CDH18: variants seen among roughly 807,000 people sequenced by gnomAD.
CDH18 encodes cadherin 18.
CDH18 carries 31 observed loss-of-function variants against 67.9 expected under a neutral mutation model. The observed-to-expected ratio is 0.46, with a 90% CI of 0.34 to 0.62. The LOEUF (loss-of-function observed/expected upper bound fraction) is 0.62. CDH18 is among the 20% of genes least tolerant of loss of function. The probability of loss-of-function intolerance (pLI) is 0.01; values close to 1 mark genes in which losing one functional copy is unlikely to be tolerated. For synonymous variants in CDH18, 362 were observed against 347.2 expected (o/e 1.04, Z -0.48); for missense variants, 890 against 975.5 (o/e 0.91, Z 1.17).
intron 4 of CDH18, among the ~76,000 whole-genome samples, chr5:19,722,815 A>G (rs1302246079): frequency 1.3e-5 from 2 of 152,094 alleles, no homozygotes; most frequent in East Asian, 1.9e-4. Flanking sequence ...CAATCAATTG[A>G]TCTTGTATGG....
At chr5:19,988,374 TC>T (rs925720794), upstream of CDH18, 9 of 153,594 alleles carry the variant, frequency 5.9e-5, no homozygotes, top group South Asian at 2.0e-4. Context: ...TGCCTCCTTC[TC>T]CCCCCCAACC....
chr5:19,899,005 G>C (rs554464847), intron 2 of CDH18, among the ~76,000 whole-genome samples: 2 of 152,224 alleles, frequency 1.3e-5, no homozygotes, highest in South Asian at 2.1e-4. Flanking sequence ...TACTAGAATG[G>C]TAATTTCTTC....
At chr5:20,537,460 A>T (rs1756794295) in intron 1 of CDH18, among the ~76,000 whole-genome samples, 1 of 152,188 alleles carries the variant, frequency 6.6e-6, no homozygotes, top group Admixed American at 6.6e-5. Context: ...TTAAAAATAC[A>T]TTGTACTATC....
intron 2 of CDH18, among the ~76,000 whole-genome samples, chr5:20,150,297 T>C (rs1486195342): frequency 1.3e-5 from 2 of 152,070 alleles, no homozygotes; most frequent in Non-Finnish European, 2.9e-5. Flanking sequence ...AGTCTAATTT[T>C]GTATATTTAC....
intron 4 of CDH18, among the ~76,000 whole-genome samples, chr5:19,746,262 G>A (rs1769986707): frequency 1.3e-5 from 2 of 152,150 alleles, no homozygotes; most frequent in South Asian, 4.1e-4. Flanking sequence ...TCATGGTTCT[G>A]TTGGCTGCAG....
chr5:20,521,655 T>A lies in CDH18; in HGVS notation c.-580+53807A>T, dbSNP rs193065204. Reference sequence around the variant, plus strand: ...GGGTTAAAGAGAAGATATTTTTAAGTGTAGAGTTAATGGCAAATGCGTTTG... The same window carrying A: ...GGGTTAAAGAGAAGATATTTTTAAGAGTAGAGTTAATGGCAAATGCGTTTG... On this transcript the variant is annotated intron_variant, in intron 1 of 14. Transcript: ENST00000507958. Among the ~76,000 whole-genome samples, 5 of 152,190 alleles carry A rather than the reference T, an allele frequency of 3.3e-5. No homozygotes were observed. In the East Asian group the frequency reaches 9.7e-4, roughly 29 times the overall value.
At chr5:20,508,737 T>C (rs1216445158) in intron 1 of CDH18, among the ~76,000 whole-genome samples, 1 of 152,068 alleles carries the variant, frequency 6.6e-6, no homozygotes, top group Non-Finnish European at 1.5e-5. Flanking sequence ...AGCTATTTTC[T>C]ATGAGTCTCA....
chr5:19,620,290 G>A (rs1319634452), intron 5 of CDH18, among the ~76,000 whole-genome samples: 1 of 152,142 alleles, frequency 6.6e-6, no homozygotes, highest in African/African-American at 2.4e-5. Flanking sequence ...TTCCTTTAGG[G>A]TATATACGTC....
At chr5:19,482,311 T>G (rs1739573096) in intron 12 of CDH18, among the ~76,000 whole-genome samples, 2 of 151,904 alleles carry the variant, frequency 1.3e-5, no homozygotes, top group Admixed American at 1.3e-4. Flanking sequence ...AGAAACGGGG[T>G]TTCACTGTGT....
intron 4 of CDH18, among the ~76,000 whole-genome samples, chr5:19,725,846 GGGATT>G (rs1236495233): frequency 9.2e-5 from 14 of 152,286 alleles, no homozygotes; most frequent in African/African-American, 3.4e-4. Context: ...AGAGATTACT[GGGATT>G]CGGGAAAGGG....
chr5:19,841,110 T>C (rs1353192664), intron 2 of CDH18, among the ~76,000 whole-genome samples: 1 of 152,210 alleles, frequency 6.6e-6, no homozygotes, highest in Non-Finnish European at 1.5e-5. Flanking sequence ...AGTATTTCGC[T>C]CCTTAAATGA....
intron 2 of CDH18, among the ~76,000 whole-genome samples, chr5:20,192,837 C>A (rs79387200): frequency 6.6e-6 from 1 of 152,010 alleles, no homozygotes; most frequent in Non-Finnish European, 1.5e-5. Flanking sequence ...TATACGAGGT[C>A]TTTTTTGATT....
intron 2 of CDH18, among the ~76,000 whole-genome samples, chr5:19,876,432 G>A (rs1436818920): frequency 4.6e-5 from 7 of 151,920 alleles, no homozygotes; most frequent in South Asian, 2.1e-4. Context: ...AAACAATAAC[G>A]GGCCAGAGAG....
At chr5:20,305,645 G>A in intron 1 of CDH18, 1 of 443,028 alleles carries the variant, frequency 2.3e-6, no homozygotes, top group Non-Finnish European at 4.1e-6. Flanking sequence ...CCATGTCCGG[G>A]GGGTGGGGGG....
chr5:19,794,435 T>C (rs982378486), intron 3 of CDH18, among the ~76,000 whole-genome samples: 7 of 152,104 alleles, frequency 4.6e-5, no homozygotes, highest in African/African-American at 1.7e-4. Flanking sequence ...TGATTCTCAG[T>C]TCTTTTTACT....
chr5:20,262,932 GAGAA>G lies in CDH18; in HGVS notation c.-579-7431_-579-7428del, dbSNP rs555996934. Among the ~76,000 whole-genome samples, 21 of 139,822 alleles carry G rather than the reference GAGAA, an allele frequency of 1.5e-4. No homozygotes were observed. The South Asian group carries it at 4.6e-3, about 31-fold the overall frequency. 91.7% of individuals were successfully genotyped at this position (139,822 alleles called of 152,430 possible). On this transcript the variant is annotated intron_variant, in intron 1 of 14. Transcript: ENST00000507958. The stretch of plus-strand genomic sequence containing the variant: ...GGAAAGAAAGAAGGGAGGAAGAAGA[GAGAA>G]AGAGAAAAAGAAAAGAAGGAAGAAT...
intron 2 of CDH18, among the ~76,000 whole-genome samples, chr5:20,183,741 C>T (rs1294519961): frequency 1.3e-5 from 2 of 152,112 alleles, no homozygotes; most frequent in Non-Finnish European, 1.5e-5. Flanking sequence ...GATCCAGAGA[C>T]TGTGTACTCA....
chr5:20,208,088 A>C (rs958689696), intron 2 of CDH18, among the ~76,000 whole-genome samples: 9 of 152,152 alleles, frequency 5.9e-5, no homozygotes, highest in African/African-American at 1.9e-4. Context: ...GGTACTACCC[A>C]ATGCCGAGTA....
At chr5:19,668,454 A>C (rs1182623098) in intron 5 of CDH18, among the ~76,000 whole-genome samples, 8 of 152,086 alleles carry the variant, frequency 5.3e-5, no homozygotes, top group African/African-American at 1.9e-4. Flanking sequence ...CACTATGATC[A>C]AAAGACCTGT....
Sources: allele counts gnomAD v4.1 joint callset (sites outside exome capture counted in the v4.1 genomes callset), GRCh38; gene constraint gnomAD v4.1.1; transcripts MANE v1.5; gene names NCBI Gene and HGNC (gene_info 2026-07-23, HGNC 2026-07-21).